ME3: variants seen among roughly 807,000 people sequenced by gnomAD.
The protein encoded by ME3 is NADP-dependent malic enzyme, mitochondrial.
In ME3, 48 loss-of-function variants were observed where a neutral mutation model predicts 68.9. That is an observed-to-expected ratio of 0.70 (90% CI 0.55 to 0.89). The LOEUF (loss-of-function observed/expected upper bound fraction) is 0.89, where lower values mean the gene tolerates loss of function less well. Among genes scored for constraint, ME3 ranks in the 40% least tolerant of loss-of-function variants. The probability of loss-of-function intolerance (pLI) is 0.00; values close to 1 mark genes in which losing one functional copy is unlikely to be tolerated. For synonymous variants in ME3, 320 were observed against 318.8 expected, an observed-to-expected ratio of 1.00 and a Z score of -0.04; for missense variants, 675 against 797.4, an observed-to-expected ratio of 0.85 and a Z score of 1.85.
chr11:86,657,953 A>G (rs1250803745), intron 2 of ME3, among the ~76,000 whole-genome samples: 1 of 152,138 alleles, frequency 6.6e-6, no homozygotes, highest in African/African-American at 2.4e-5. Flanking sequence ...CATGAGTTCT[A>G]GGACAGGAAG....
At chr11:86,541,058 C>T (rs1956016947) in intron 4 of ME3, among the ~76,000 whole-genome samples, 1 of 152,186 alleles carries the variant, frequency 6.6e-6, no homozygotes, top group Non-Finnish European at 1.5e-5. Flanking sequence ...CCTCCCCTAG[C>T]CAAGGGAAGC....
intron 4 of ME3, among the ~76,000 whole-genome samples, chr11:86,531,917 G>GT (rs1955266850): frequency 6.6e-6 from 1 of 151,486 alleles, no homozygotes; most frequent in Non-Finnish European, 1.5e-5. Flanking sequence ...CATGGCACAT[G>GT]TATACATATG....
At chr11:86,527,856 C>T (rs1201414463) in intron 4 of ME3, among the ~76,000 whole-genome samples, 2 of 152,176 alleles carry the variant, frequency 1.3e-5, no homozygotes, top group Non-Finnish European at 2.9e-5. Flanking sequence ...CTGAAGGAAG[C>T]ACTAAACATG....
chr11:86,463,471 C>T (rs567966848), intron 8 of ME3, among the ~76,000 whole-genome samples: 10 of 152,330 alleles, frequency 6.6e-5, no homozygotes, highest in Non-Finnish European at 1.5e-4. Flanking sequence ...AGCGCATCTT[C>T]CTGAACTGCA....
chr11:86,539,052 G>T (rs1046091379), intron 4 of ME3, among the ~76,000 whole-genome samples: 5 of 152,170 alleles, frequency 3.3e-5, no homozygotes, highest in African/African-American at 1.2e-4. Flanking sequence ...GGTTGATTCT[G>T]GGAAGGGCCA....
rs1952213506 is a variant in ME3, at chr11:86,494,804, G to C, written c.705+3159C>G. On this transcript the variant is annotated intron_variant, in intron 6 of 14. Transcript: ENST00000543262. Reference sequence around the variant, plus strand: ...CATTTGTCTCCCTCAGGCTCAGCAGGGTGCCTGATACCCACTAAACACTCA... The same window carrying C: ...CATTTGTCTCCCTCAGGCTCAGCAGCGTGCCTGATACCCACTAAACACTCA... Among the ~76,000 whole-genome samples the C allele has an allele frequency of 2.6e-5, 4 of 152,174 alleles. No individual in the cohort carries two copies. The South Asian group carries it at 8.3e-4, about 32-fold the overall frequency.
At chr11:86,486,082 C>A (rs1438926232) in intron 7 of ME3, among the ~76,000 whole-genome samples, 1 of 152,126 alleles carries the variant, frequency 6.6e-6, no homozygotes, top group African/African-American at 2.4e-5. Flanking sequence ...TCGCTCCCAC[C>A]ACCACATCTA....
chr11:86,618,299 C>CAAAAAAAAAAAAAAAAAAA (rs55824426), intron 2 of ME3, among the ~76,000 whole-genome samples: 5 of 55,934 alleles, frequency 8.9e-5, no homozygotes, highest in African/African-American at 1.4e-4. Context: ...GGCTCTGTCT[C>CAAAAAAAAAAAAAAAAAAA]AAAAAAAAAA....
chr11:86,461,134 C>T (rs11826066), intron 8 of ME3, among the ~76,000 whole-genome samples: 5,517 of 152,326 alleles, frequency 0.036, 126 homozygotes, highest in African/African-American at 0.058. Flanking sequence ...CCACTTCACA[C>T]GTGCAGGAGC....
intron 7 of ME3, 104 bp downstream of exon 7, chr11:86,487,233 G>T: frequency 2.3e-6 from 2 of 873,964 alleles, no homozygotes; most frequent in South Asian, 1.5e-5. Context: ...GGAAAAGCAT[G>T]CATCTACTGC....
intron 3 of ME3, among the ~76,000 whole-genome samples, chr11:86,557,214 C>G (rs886774372): frequency 2.0e-5 from 3 of 152,176 alleles, no homozygotes; most frequent in Admixed American, 6.5e-5. Flanking sequence ...GGACTGGCCT[C>G]TCCTACCACA....
chr11:86,499,523 T>C (rs1952582201), intron 5 of ME3, among the ~76,000 whole-genome samples: 1 of 152,110 alleles, frequency 6.6e-6, no homozygotes, highest in Admixed American at 6.5e-5. Context: ...TGCTGGGCAA[T>C]GGGGGTAAAG....
chr11:86,516,154 A>G (rs944975029), intron 4 of ME3, among the ~76,000 whole-genome samples: 1 of 152,176 alleles, frequency 6.6e-6, no homozygotes, highest in African/African-American at 2.4e-5. Context: ...GACAAAAACA[A>G]AAATAATTTT....
chr11:86,526,040 G>A (rs770005606), intron 4 of ME3, among the ~76,000 whole-genome samples: 13 of 152,184 alleles, frequency 8.5e-5, no homozygotes, highest in Non-Finnish European at 1.3e-4. Flanking sequence ...TGGGTGCAGC[G>A]CACCGAGCAT....
At chr11:86,476,128 T>A (rs983923061) in intron 7 of ME3, among the ~76,000 whole-genome samples, 1 of 152,310 alleles carries the variant, frequency 6.6e-6, no homozygotes, top group South Asian at 2.1e-4. Flanking sequence ...AGCTTGGAGC[T>A]ACAGAACCTC....
At chr11:86,576,496 G>A (rs1340576063) in intron 2 of ME3, among the ~76,000 whole-genome samples, 1 of 152,150 alleles carries the variant, frequency 6.6e-6, no homozygotes, top group Non-Finnish European at 1.5e-5. Context: ...TCTCAGAGTG[G>A]GGCTCAGGAG....
At chr11:86,636,624 TG>T (rs1339877804) in intron 2 of ME3, among the ~76,000 whole-genome samples, 1 of 152,232 alleles carries the variant, frequency 6.6e-6, no homozygotes, top group Admixed American at 6.5e-5. Context: ...AAGTGAGATC[TG>T]GAGAGGACAA....
intron 2 of ME3, among the ~76,000 whole-genome samples, chr11:86,570,499 T>C (rs1019301970): frequency 2.6e-5 from 4 of 152,138 alleles, no homozygotes; most frequent in African/African-American, 7.2e-5. Flanking sequence ...TGAGAGCCCC[T>C]GAGCACACTC....
chr11:86,605,466 CTT>C (rs781504870), intron 2 of ME3, among the ~76,000 whole-genome samples: 18 of 152,162 alleles, frequency 1.2e-4, no homozygotes, highest in Non-Finnish European at 2.5e-4. Context: ...TTTTAGAAGA[CTT>C]TTGCTGGGGG....
Sources: gnomAD v4.1 joint callset for allele counts (sites outside exome capture counted in the v4.1 genomes callset) on GRCh38, gnomAD v4.1.1 for gene constraint, MANE v1.5 for transcripts, NCBI Gene and HGNC (gene_info 2026-07-23, HGNC 2026-07-21) for gene names.